Variants in ARMH1 observed in about 807,000 individuals in gnomAD.
ARMH1 encodes armadillo like helical domain containing 1, also known as armadillo-like helical domain containing protein 1.
In ARMH1, 34 loss-of-function variants were observed where a neutral mutation model predicts 50.2. The ratio of observed to expected loss-of-function variants is 0.68; its 90% CI spans 0.51 to 0.90. ARMH1 has a LOEUF of 0.90. Among genes scored for constraint, ARMH1 ranks in the 40% least tolerant of loss-of-function variants. ARMH1 has a pLI of 0.00. For synonymous variants in ARMH1, 221 were observed against 224.2 expected (o/e 0.99, Z 0.13); for missense variants, 538 against 553.9 (o/e 0.97, Z 0.29).
chr1:44,678,608 A>C (rs550664795), intron 1 of ARMH1, among the ~76,000 whole-genome samples: 1 of 152,226 alleles, frequency 6.6e-6, no homozygotes, highest in Non-Finnish European at 1.5e-5. Flanking sequence ...TGAATGGAGA[A>C]CTGAGAGTTA....
chr1:44,686,314 G>A, intron 1 of ARMH1, among the ~76,000 whole-genome samples: 1 of 152,150 alleles, frequency 6.6e-6, no homozygotes, highest in East Asian at 1.9e-4. Context: ...TTAACTCCAG[G>A]TAAAACCAAA....
intron 6 of ARMH1, among the ~76,000 whole-genome samples, chr1:44,714,219 G>A (rs559772289): frequency 6.0e-5 from 9 of 150,468 alleles, no homozygotes; most frequent in East Asian, 5.9e-4. Flanking sequence ...GCAGTGAGCC[G>A]AGATTGCACC....
chr1:44,709,496 C>A (rs182157809), intron 6 of ARMH1, among the ~76,000 whole-genome samples: 7 of 152,056 alleles, frequency 4.6e-5, no homozygotes, highest in Non-Finnish European at 7.4e-5. Flanking sequence ...CACGGTGAAA[C>A]CCCATCTCTA....
rs533621625 is a variant in ARMH1 at position 44,723,090 on chromosome 1, G to T, written c.725-1032G>T. Among the ~76,000 whole-genome samples the T allele has an allele frequency of 1.1e-3, 164 of 151,052 alleles. 1 individual carries two copies. The highest frequency in any genetic ancestry group is 1.3e-3 in the Non-Finnish European group (90 of 67,746). On this transcript the variant is annotated intron_variant, in intron 6 of 11. Transcript: ENST00000535358. ...GCTCTGTCTCAAAAAAAAAAAAAAGGTAGCATTTATGCTGGTGTGCCATCA... is the reference window on the plus strand; with the variant it reads ...GCTCTGTCTCAAAAAAAAAAAAAAGTTAGCATTTATGCTGGTGTGCCATCA...
chr1:44,687,063 G>A lies in ARMH1; in HGVS notation c.-22-2613G>A, dbSNP rs867880788. Among the ~76,000 whole-genome samples the A allele has an allele frequency of 2.0e-5, 3 of 152,128 alleles. No individual in the cohort carries two copies. The South Asian group carries it at 6.2e-4, about 32-fold the overall frequency. On this transcript the variant is annotated intron_variant, in intron 1 of 11. Coordinates refer to ENST00000535358, the MANE Select transcript of ARMH1 (RefSeq NM_001145636.2). The stretch of plus-strand genomic sequence containing the variant: ...ATGATAGCAGTGTATTAGTTTGCTA[G>A]AGCTGCCATAACAAAGTGTTATAGA...
chr1:44,677,347 A>G (rs1471314004), intron 1 of ARMH1, among the ~76,000 whole-genome samples: 1 of 152,204 alleles, frequency 6.6e-6, no homozygotes, highest in East Asian at 1.9e-4. Flanking sequence ...GTGGGTACAC[A>G]GAGGTTAGTT....
At chr1:44,692,839 A>T (rs1645701691) in intron 2 of ARMH1, 1 of 151,956 alleles carries the variant, frequency 6.6e-6, no homozygotes, top group East Asian at 1.9e-4. Context: ...GACTCAAAGG[A>T]TCTTCTCACC....
rs760185659 is a variant in ARMH1 at position 44,689,755 on chromosome 1, T to C, written c.58T>C (p.Trp20Arg). ...CAGGCTCTTAAGTTTTTTACAGGAGTGGGACAACGCTGGCAAAGTCGCAAG... is the reference window on the plus strand; with the variant it reads ...CAGGCTCTTAAGTTTTTTACAGGAGCGGGACAACGCTGGCAAAGTCGCAAG... ...ISRLLSFLQE[W>R]DNAGKVARSH... The change falls in exon 2 of 12, where the codon TGG becomes CGG. Residue 20 changes from tryptophan to arginine, a missense_variant. Physicochemically the swap from Trp to Arg is moderately radical, Grantham distance 101. Transcript: ENST00000535358. 18 of 1,551,784 alleles carry C rather than the reference T, an allele frequency of 1.2e-5. No homozygotes were observed. The South Asian group carries it at 2.1e-4, about 18-fold the overall frequency.
intron 6 of ARMH1, among the ~76,000 whole-genome samples, chr1:44,712,786 C>T (rs1277611847): frequency 1.3e-5 from 2 of 151,218 alleles, no homozygotes; most frequent in Non-Finnish European, 2.9e-5. Flanking sequence ...GCCTCAGCCT[C>T]CCAAGAAGCT....
At chr1:44,684,338 C>T (rs146765112) in intron 1 of ARMH1, 113 of 152,230 alleles carry the variant, frequency 7.4e-4, no homozygotes, top group Middle Eastern at 3.4e-3. Flanking sequence ...ACTGGAGGCT[C>T]TTAATTAAAT....
chr1:44,687,087 G>A (rs936915684), intron 1 of ARMH1, among the ~76,000 whole-genome samples: 3 of 152,142 alleles, frequency 2.0e-5, no homozygotes, highest in Non-Finnish European at 4.4e-5. Flanking sequence ...AAGTGTTATA[G>A]ACTAGATAAC....
At chr1:44,717,219 T>C (rs574411472) in intron 6 of ARMH1, among the ~76,000 whole-genome samples, 4 of 152,296 alleles carry the variant, frequency 2.6e-5, no homozygotes, top group African/African-American at 9.6e-5. Context: ...GCCTTCCTTT[T>C]CTCTGAAATG....
chr1:44,689,616 T>C (rs1374569001), intron 1 of ARMH1, 60 bp from the exon 2 acceptor site: 51 of 1,311,034 alleles, frequency 3.9e-5, no homozygotes, highest in Non-Finnish European at 5.2e-5. Context: ...GCTAGAAAAA[T>C]AATGGAGTTG....
At chr1:44,710,670 A>T (rs1573438576) in intron 6 of ARMH1, among the ~76,000 whole-genome samples, 1 of 152,244 alleles carries the variant, frequency 6.6e-6, no homozygotes, top group East Asian at 1.9e-4. Flanking sequence ...TTCTTTCTTC[A>T]TAAAAGCACA....
At chr1:44,707,730 A>G (rs967069736) in intron 6 of ARMH1, among the ~76,000 whole-genome samples, 3 of 152,142 alleles carry the variant, frequency 2.0e-5, no homozygotes, top group African/African-American at 7.2e-5. Flanking sequence ...CCAAAACAAA[A>G]CCTCTTATGC....
intron 6 of ARMH1, 87 bp downstream of exon 6, chr1:44,704,260 G>C: frequency 1.0e-6 from 1 of 975,766 alleles, no homozygotes; most frequent in Non-Finnish European, 1.6e-6. Flanking sequence ...AAAGAGCCTT[G>C]ATGTTGAGTG....
Position 44,682,682 on chromosome 1 carries a change from T to C in ARMH1, c.-22-6994T>C, listed in dbSNP as rs186405764. ...GGCTCACACCTGTAATCCCAGTACT[T>C]TGGGAGGCCGAGGCAGGAGGATTGC... On this transcript the variant is annotated intron_variant, in intron 1 of 11. Coordinates refer to ENST00000535358, the MANE Select transcript of ARMH1 (RefSeq NM_001145636.2). This position sits in a 1 kb window ranked among gnomAD's most constrained non-coding sequence, Gnocchi z 4.5. Among the ~76,000 whole-genome samples, 24 of 152,226 alleles carry C rather than the reference T, an allele frequency of 1.6e-4. No homozygotes were observed. The highest frequency in any genetic ancestry group is 1.2e-4 in the Non-Finnish European group (8 of 67,998).
Position 44,681,997 on chromosome 1 carries a change from T to G in ARMH1, c.-23+7124T>G, listed in dbSNP as rs1310834412. 6.6e-6 allele frequency among the ~76,000 whole-genome samples: 1 copy of G among 152,178 alleles called. No homozygotes were observed. Among genetic ancestry groups the G allele is most frequent in the Non-Finnish European group, 1.5e-5 (1 of 68,030 alleles). The stretch of plus-strand genomic sequence containing the variant: ...CCACTGTTCATTAAAATCACCTTTT[T>G]GCTTGTCTCTCTGCCCTGCCAGTCT... On this transcript the variant is annotated intron_variant, in intron 1 of 11. Transcript: ENST00000535358. The surrounding 1 kb of genome is among the most constrained non-coding windows in gnomAD (Gnocchi z 4.3).
At chr1:44,722,968 G>C (rs568808660) in intron 6 of ARMH1, among the ~76,000 whole-genome samples, 1 of 149,916 alleles carries the variant, frequency 6.7e-6, no homozygotes, top group East Asian at 2.0e-4. Flanking sequence ...CAGCCTACTC[G>C]GGAGGCTGAG....
Sources: allele counts gnomAD v4.1 joint callset (sites outside exome capture counted in the v4.1 genomes callset), GRCh38; gene constraint gnomAD v4.1.1; non-coding constraint Gnocchi (gnomAD v3.1); transcripts MANE v1.5; gene names NCBI Gene and HGNC (gene_info 2026-07-23, HGNC 2026-07-21).